NKAIN3: variants seen among roughly 807,000 people sequenced by gnomAD.
NKAIN3 encodes the protein sodium/potassium-transporting ATPase subunit beta-1-interacting protein 3.
A neutral mutation model predicts 30.2 loss-of-function variants in NKAIN3; 25 were observed. The observed-to-expected ratio is 0.83, with a 90% confidence interval of 0.60 to 1.16. NKAIN3 has a LOEUF of 1.16. Among genes scored for constraint, NKAIN3 ranks in the 50% most tolerant of loss-of-function variants. The pLI, the probability that NKAIN3 is intolerant of heterozygous loss-of-function variation, is 0.00. For missense variants in NKAIN3, 225 were observed against 254.1 expected (o/e 0.89, Z 0.78); for synonymous variants, 91 against 89.6 (o/e 1.02, Z -0.09).
chr8:62,729,010 CA>C (rs1222490010), intron 3 of NKAIN3, among the ~76,000 whole-genome samples: 5 of 6,080 alleles, frequency 8.2e-4, no homozygotes, highest in African/African-American at 3.2e-3. Context: ...AAAAACAAAA[CA>C]AAACAAACAA....
intron 3 of NKAIN3, among the ~76,000 whole-genome samples, chr8:62,664,906 C>G (rs1813053362): frequency 6.6e-6 from 1 of 152,202 alleles, no homozygotes; most frequent in Non-Finnish European, 1.5e-5. Flanking sequence ...TCTAAATATC[C>G]TTATGACTTA....
intron 1 of NKAIN3, among the ~76,000 whole-genome samples, chr8:62,506,334 G>A (rs568161447): frequency 1.3e-5 from 2 of 151,916 alleles, no homozygotes; most frequent in African/African-American, 4.8e-5. Flanking sequence ...CAAATTGCAG[G>A]ATGTAATTCT....
chr8:62,843,752 C>A (rs1019771015), intron 4 of NKAIN3, among the ~76,000 whole-genome samples: 1 of 152,078 alleles, frequency 6.6e-6, no homozygotes, highest in Non-Finnish European at 1.5e-5. Flanking sequence ...TTTGCCACAG[C>A]AACAATAGGG....
chr8:62,395,935 A>C (rs1230006915), intron 1 of NKAIN3, among the ~76,000 whole-genome samples: 2 of 152,196 alleles, frequency 1.3e-5, no homozygotes, highest in Admixed American at 1.3e-4. Flanking sequence ...AAATTGTAAA[A>C]TGTGTATTTA....
chr8:62,593,982 C>T (rs1810738911), intron 3 of NKAIN3, among the ~76,000 whole-genome samples: 1 of 151,974 alleles, frequency 6.6e-6, no homozygotes, highest in South Asian at 2.1e-4. Context: ...ATCCCTGGAG[C>T]TTTAACTCCC....
chr8:62,918,839 C>T (rs1822185662), intron 5 of NKAIN3, among the ~76,000 whole-genome samples: 1 of 152,042 alleles, frequency 6.6e-6, no homozygotes, highest in African/African-American at 2.4e-5. Context: ...TACCTATTAC[C>T]AATTTTAGGC....
chr8:62,701,991 A>C (rs1282040924), intron 3 of NKAIN3, among the ~76,000 whole-genome samples: 1 of 152,144 alleles, frequency 6.6e-6, no homozygotes, highest in Non-Finnish European at 1.5e-5. Context: ...AGGGCTCCCC[A>C]GCGGCTAACA....
rs190793374 is a variant in NKAIN3, at chr8:62,745,869, G to A, written c.274-1063G>A. On this transcript the variant is annotated intron_variant, in intron 3 of 6. Transcript: ENST00000623646. ...ACAGCAAGTAATGTGAGAGAGTGCCGCATTATAGCTAAAAGTAAACACTGC... is the reference window on the plus strand; with the variant it reads ...ACAGCAAGTAATGTGAGAGAGTGCCACATTATAGCTAAAAGTAAACACTGC... Among the ~76,000 whole-genome samples the A allele has an allele frequency of 6.4e-3, 975 of 152,226 alleles. 9 individuals carry two copies. The highest frequency in any genetic ancestry group is 0.022 in the African/African-American group (900 of 41,544).
chr8:62,248,900 G>T lies in NKAIN3; in HGVS notation c.-174G>T. 2 of 570,518 alleles carry T rather than the reference G, an allele frequency of 3.5e-6. No individual in the cohort carries two copies. Among genetic ancestry groups the T allele is most frequent in the Non-Finnish European group, 5.9e-6 (2 of 338,064 alleles). 35.3% of individuals were successfully genotyped at this position (570,518 alleles called of 1,614,324 possible). On this transcript the variant is annotated 5_prime_UTR_variant, in exon 1 of 7. Transcript: ENST00000623646. Reference sequence around the variant, plus strand: ...CACCGCACTGACCTCGGCCCGCCCCGCCGGGAAACTAACAAAGGCGGGCGC... The same window carrying T: ...CACCGCACTGACCTCGGCCCGCCCCTCCGGGAAACTAACAAAGGCGGGCGC...
intron 1 of NKAIN3, among the ~76,000 whole-genome samples, chr8:62,306,546 GT>G (rs1814246913): frequency 6.8e-6 from 1 of 146,632 alleles, no homozygotes; most frequent in Non-Finnish European, 1.5e-5. Flanking sequence ...TTGTGTGTGT[GT>G]GTGTGTGTGT....
Position 62,336,362 on chromosome 8 carries a change from T to A in NKAIN3, c.54+87235T>A, listed in dbSNP as rs145432762. On this transcript the variant is annotated intron_variant, in intron 1 of 6. Transcript: ENST00000623646. Reference sequence around the variant, plus strand: ...GACTTTTGTGGATGTCCATTAAGTTTCTTATCACGTGCAACATTAATGCCA... The same window carrying A: ...GACTTTTGTGGATGTCCATTAAGTTACTTATCACGTGCAACATTAATGCCA... Among the ~76,000 whole-genome samples the A allele has an allele frequency of 2.6e-5, 4 of 152,192 alleles. No homozygotes were observed. In the East Asian group the frequency reaches 7.8e-4, roughly 30 times the overall value.
rs1192335036 is a variant in NKAIN3 at position 62,800,981 on chromosome 8, G to A, written c.471+53852G>A. Among the ~76,000 whole-genome samples the A allele has an allele frequency of 4.0e-5, 6 of 150,250 alleles. No homozygotes were observed. In the South Asian group the frequency reaches 1.3e-3, roughly 32 times the overall value. On this transcript the variant is annotated intron_variant, in intron 4 of 6. Coordinates refer to ENST00000623646, the MANE Select transcript of NKAIN3 (RefSeq NM_001304533.3). ...GAGATTATATCCTGCACCTGGCTCGGAGGGTCCTACACCCACGGAGTCTCA... is the reference window on the plus strand; with the variant it reads ...GAGATTATATCCTGCACCTGGCTCGAAGGGTCCTACACCCACGGAGTCTCA...
chr8:62,826,807 G>A (rs377185500), intron 4 of NKAIN3, among the ~76,000 whole-genome samples: 8 of 152,144 alleles, frequency 5.3e-5, no homozygotes, highest in African/African-American at 1.9e-4. Context: ...GGAAAACAGA[G>A]GAAGTGTAAG....
intron 3 of NKAIN3, among the ~76,000 whole-genome samples, chr8:62,630,319 G>A (rs2130261675): frequency 6.6e-6 from 1 of 152,144 alleles, no homozygotes; most frequent in Admixed American, 6.5e-5. Flanking sequence ...ATGTAGGATG[G>A]AGCCCTTTCT....
chr8:62,850,141 G>A (rs534108596), intron 4 of NKAIN3, among the ~76,000 whole-genome samples: 3 of 151,936 alleles, frequency 2.0e-5, no homozygotes, highest in South Asian at 2.1e-4. Context: ...TTTAATGATC[G>A]CCATTCTAAC....
chr8:62,962,083 T>C (rs1339073173), intron 6 of NKAIN3, among the ~76,000 whole-genome samples: 1 of 152,128 alleles, frequency 6.6e-6, no homozygotes, highest in Non-Finnish European at 1.5e-5. Context: ...CCCACACACA[T>C]GCACATACAT....
chr8:62,730,081 A>G (rs1815419775), intron 3 of NKAIN3, among the ~76,000 whole-genome samples: 1 of 152,222 alleles, frequency 6.6e-6, no homozygotes, highest in Non-Finnish European at 1.5e-5. Flanking sequence ...TAATTTTATC[A>G]GATTTATAAG....
intron 1 of NKAIN3, among the ~76,000 whole-genome samples, chr8:62,289,913 T>G (rs968362824): frequency 6.6e-6 from 1 of 152,204 alleles, no homozygotes. Flanking sequence ...CTTCTTTTAT[T>G]TCGTTGAGCA....
chr8:62,433,958 A>T (rs1805092918), intron 1 of NKAIN3, among the ~76,000 whole-genome samples: 1 of 152,050 alleles, frequency 6.6e-6, no homozygotes, highest in African/African-American at 2.4e-5. Context: ...CCATATCTTT[A>T]TTAAGCATTC....
Sources: allele counts gnomAD v4.1 joint callset (sites outside exome capture counted in the v4.1 genomes callset), GRCh38; gene constraint gnomAD v4.1.1; transcripts MANE v1.5; gene names NCBI Gene and HGNC (gene_info 2026-07-23, HGNC 2026-07-21).